The following MBOAT2 variants were observed in gnomAD, a reference collection of about 807,000 sequenced individuals.
MBOAT2 encodes the protein membrane-bound glycerophospholipid O-acyltransferase 2.
A neutral mutation model predicts 63.4 loss-of-function variants in MBOAT2; 28 were observed. The ratio of observed to expected loss-of-function variants is 0.44; its 90% CI spans 0.33 to 0.61. The LOEUF (loss-of-function observed/expected upper bound fraction) is 0.61. Ranked by LOEUF, MBOAT2 falls within the 20% of genes least tolerant of loss-of-function variation. The probability of loss-of-function intolerance (pLI) is 0.03; values close to 1 mark genes in which losing one functional copy is unlikely to be tolerated. For synonymous variants in MBOAT2, 211 were observed against 215.6 expected (o/e 0.98, Z 0.19); for missense variants, 470 against 605.8 (o/e 0.78, Z 2.35).
chr2:8,915,159 G>C (rs964319215), intron 3 of MBOAT2, among the ~76,000 whole-genome samples: 9 of 151,820 alleles, frequency 5.9e-5, no homozygotes, highest in African/African-American at 1.2e-4. Flanking sequence ...GGCTGGTCTT[G>C]AACTCCTGAC....
chr2:8,938,898 T>G (rs1362942743), intron 3 of MBOAT2, among the ~76,000 whole-genome samples: 1 of 152,200 alleles, frequency 6.6e-6, no homozygotes, highest in Non-Finnish European at 1.5e-5. Context: ...TCACATACCA[T>G]GCCCCCCAGG....
At chr2:8,872,025 A>G (rs1192577302) in intron 8 of MBOAT2, among the ~76,000 whole-genome samples, 1 of 152,218 alleles carries the variant, frequency 6.6e-6, no homozygotes, top group Non-Finnish European at 1.5e-5. Context: ...CGTGGCCAGA[A>G]TCATCTTCTT....
At chr2:8,899,029 T>C (rs1212274530) in intron 4 of MBOAT2, among the ~76,000 whole-genome samples, 1 of 152,234 alleles carries the variant, frequency 6.6e-6, no homozygotes, top group Non-Finnish European at 1.5e-5. Flanking sequence ...TTTAACAATA[T>C]CTTGCAATCC....
chr2:8,923,623 G>C (rs986418176), intron 3 of MBOAT2, among the ~76,000 whole-genome samples: 1 of 152,008 alleles, frequency 6.6e-6, no homozygotes, highest in African/African-American at 2.4e-5. Flanking sequence ...TCAGTGCATT[G>C]GTTTTTCTGG....
chr2:8,988,515 T>A (rs1671713973), intron 1 of MBOAT2, among the ~76,000 whole-genome samples: 1 of 152,286 alleles, frequency 6.6e-6, no homozygotes, highest in South Asian at 2.1e-4. Context: ...AATGAGTTAA[T>A]GTGAGTATTG....
At chr2:8,867,139 G>A (rs1032504419) in intron 9 of MBOAT2, among the ~76,000 whole-genome samples, 1 of 152,036 alleles carries the variant, frequency 6.6e-6, no homozygotes, top group African/African-American at 2.4e-5. Context: ...ACTGCAGCCT[G>A]CTGAGTAGCT....
At position 8,862,664 on chromosome 2, in the gene MBOAT2, T is replaced by A; in HGVS notation, c.1111A>T (p.Ile371Phe). The change falls in exon 11 of 13, where the codon ATT becomes TTT. Residue 371 changes from isoleucine (I) to phenylalanine (F), a missense_variant. Physicochemically the swap from Ile to Phe is conservative, Grantham distance 21. Coordinates refer to ENST00000305997, the MANE Select transcript of MBOAT2 (RefSeq NM_138799.4). The surrounding 1 kb of genome is among the most constrained non-coding windows in gnomAD (Gnocchi z 4.3). ...PTIQTFILSA[I>F]WHGVYPGYYL... ...TATCCTGGGTATACCCCGTGCCAAA[T>A]GGCAGAGAGAATGAACGTCTGGATA... is the stretch of plus-strand genomic sequence containing the variant. 6.2e-7 allele frequency: 1 copy of A among 1,614,118 alleles called. No individual in the cohort carries two copies. The highest frequency in any genetic ancestry group is 1.1e-5 in the South Asian group (1 of 91,080).
At chr2:8,901,989 G>A (rs1664968949) in intron 4 of MBOAT2, among the ~76,000 whole-genome samples, 2 of 152,214 alleles carry the variant, frequency 1.3e-5, no homozygotes, top group Non-Finnish European at 2.9e-5. Context: ...ATGACTTTGA[G>A]AGTTCCGCTC....
intron 3 of MBOAT2, among the ~76,000 whole-genome samples, chr2:8,921,882 T>C (rs902575787): frequency 5.9e-5 from 9 of 152,210 alleles, no homozygotes; most frequent in Non-Finnish European, 1.0e-4. Context: ...TGAGGTCTGT[T>C]GAGCTTCTTG....
intron 1 of MBOAT2, among the ~76,000 whole-genome samples, chr2:9,001,576 T>C (rs1299918650): frequency 3.9e-5 from 6 of 152,204 alleles, no homozygotes; most frequent in Non-Finnish European, 7.3e-5. Context: ...GGGCTACACA[T>C]GGCTGTACAA....
chr2:8,938,846 C>T (rs1299977223), intron 3 of MBOAT2, among the ~76,000 whole-genome samples: 2 of 152,176 alleles, frequency 1.3e-5, no homozygotes, highest in African/African-American at 4.8e-5. Flanking sequence ...TAAAGTCTGC[C>T]CTTGCTACCT....
intron 4 of MBOAT2, among the ~76,000 whole-genome samples, chr2:8,907,107 T>A (rs1665387646): frequency 1.3e-5 from 2 of 152,264 alleles, no homozygotes; most frequent in Non-Finnish European, 2.9e-5. Context: ...ATTAAAAGTA[T>A]GCTTTTTGTT....
intron 3 of MBOAT2, among the ~76,000 whole-genome samples, chr2:8,929,329 T>TGTTC (rs1000420528): frequency 2.7e-5 from 4 of 146,792 alleles, no homozygotes; most frequent in African/African-American, 1.0e-4. Context: ...TTTATTTATT[T>TGTTC]GTTCATTCAT....
chr2:8,858,796 T>C lies in MBOAT2; in HGVS notation c.1446A>G (p.Gln482=). The C allele has an allele frequency of 6.2e-7, 1 of 1,614,080 alleles. No individual in the cohort carries two copies. The highest frequency in any genetic ancestry group is 8.5e-7 in the Non-Finnish European group (1 of 1,179,974). Residue 482 remains glutamine (Q), a synonymous_variant, in exon 13 of 13, where the codon CAA becomes CAG. Coordinates refer to ENST00000305997, the MANE Select transcript of MBOAT2 (RefSeq NM_138799.4). ...TTTCTCCTTCATCAAACTTTTTGGA[T>C]TGTGAGAGCTGAATGTTTTCATGTG... ...KNTHENIQLS[Q]SKKFDEGENS...
chr2:8,957,090 T>A (rs911368859), intron 2 of MBOAT2, among the ~76,000 whole-genome samples: 23 of 152,188 alleles, frequency 1.5e-4, no homozygotes, highest in African/African-American at 5.3e-4. Flanking sequence ...TGGGATATAC[T>A]TTAAAATACT....
chr2:9,002,452 T>C (rs968300074), intron 1 of MBOAT2, among the ~76,000 whole-genome samples: 3 of 152,218 alleles, frequency 2.0e-5, no homozygotes, highest in African/African-American at 4.8e-5. Context: ...CCCTGAAGAC[T>C]AAATGACAGC....
chr2:8,905,007 C>A (rs1448367240), intron 4 of MBOAT2, among the ~76,000 whole-genome samples: 1 of 152,136 alleles, frequency 6.6e-6, no homozygotes, highest in Admixed American at 6.5e-5. Flanking sequence ...TACACACACA[C>A]ACACGCGCGC....
At chr2:8,885,557 G>A (rs564388558) in intron 5 of MBOAT2, among the ~76,000 whole-genome samples, 1 of 152,110 alleles carries the variant, frequency 6.6e-6, no homozygotes, top group Admixed American at 6.6e-5. Context: ...TGACATCAAT[G>A]AAGCTGCCAG....
chr2:8,997,210 T>C (rs1343473122), intron 1 of MBOAT2, among the ~76,000 whole-genome samples: 1 of 152,206 alleles, frequency 6.6e-6, no homozygotes, highest in Non-Finnish European at 1.5e-5. Flanking sequence ...TCTTACCAAG[T>C]GCTATCATTG....
Sources: gnomAD v4.1 joint callset for allele counts (sites outside exome capture counted in the v4.1 genomes callset) on GRCh38, gnomAD v4.1.1 for gene constraint, Gnocchi (gnomAD v3.1) non-coding constraint, MANE v1.5 for transcripts, NCBI Gene and HGNC (gene_info 2026-07-23, HGNC 2026-07-21) for gene names.